The following DOK5 variants were observed in gnomAD, a reference collection of about 807,000 sequenced individuals.
DOK5 encodes downstream of tyrosine kinase 5.
In DOK5, 27 loss-of-function variants were observed where a neutral mutation model predicts 43.3. The ratio of observed to expected loss-of-function variants is 0.62; its 90% CI spans 0.46 to 0.86. The LOEUF (loss-of-function observed/expected upper bound fraction) is 0.86. Ranked by LOEUF, DOK5 falls within the 40% of genes least tolerant of loss-of-function variation. The pLI is 0.00. For synonymous variants in DOK5, 146 were observed against 140.1 expected, an observed-to-expected ratio of 1.04 and a Z score of -0.30; for missense variants, 373 against 392.9, an observed-to-expected ratio of 0.95 and a Z score of 0.43.
At chr20:54,513,705 T>C (rs1983094649) in intron 1 of DOK5, among the ~76,000 whole-genome samples, 1 of 152,146 alleles carries the variant, frequency 6.6e-6, no homozygotes, top group South Asian at 2.1e-4. Context: ...TTTTCAAATA[T>C]ATGAAGGGAT....
chr20:54,628,713 A>G (rs1405287545), intron 6 of DOK5, among the ~76,000 whole-genome samples: 4 of 152,158 alleles, frequency 2.6e-5, no homozygotes, highest in Non-Finnish European at 5.9e-5. Context: ...TGCTCCGTCA[A>G]GCAGAACGAG....
intron 2 of DOK5, among the ~76,000 whole-genome samples, chr20:54,577,151 A>G (rs2146754277): frequency 6.6e-6 from 1 of 152,310 alleles, no homozygotes; most frequent in South Asian, 2.1e-4. Context: ...CCTTTCTATG[A>G]AATTATAATT....
intron 2 of DOK5, among the ~76,000 whole-genome samples, chr20:54,566,018 A>AAAC (rs1308325165): frequency 6.9e-6 from 1 of 145,864 alleles, no homozygotes; most frequent in African/African-American, 2.5e-5. Flanking sequence ...TTCCGTCTCA[A>AAAC]AAAAAAAAAA....
At chr20:54,580,708 G>T (rs1425935189) in intron 2 of DOK5, among the ~76,000 whole-genome samples, 2 of 151,872 alleles carry the variant, frequency 1.3e-5, no homozygotes, top group African/African-American at 2.4e-5. Flanking sequence ...TTTAAAATTG[G>T]CTTATTTATT....
chr20:54,511,601 G>T (rs1337393912), intron 1 of DOK5, among the ~76,000 whole-genome samples: 1 of 152,182 alleles, frequency 6.6e-6, no homozygotes, highest in Non-Finnish European at 1.5e-5. Flanking sequence ...ATTTATATTG[G>T]TGATGGTGCA....
chr20:54,572,556 A>G (rs1451527135), intron 2 of DOK5, among the ~76,000 whole-genome samples: 1 of 152,206 alleles, frequency 6.6e-6, no homozygotes, highest in African/African-American at 2.4e-5. Context: ...GGTGTTCAGA[A>G]CGTAATACCT....
intron 5 of DOK5, among the ~76,000 whole-genome samples, chr20:54,604,087 C>A (rs1986389493): frequency 6.6e-6 from 1 of 151,750 alleles, no homozygotes; most frequent in Non-Finnish European, 1.5e-5. Context: ...GCTGAGACTA[C>A]AGGCGCCCGC....
At chr20:54,634,253 C>G (rs560395519) in intron 6 of DOK5, among the ~76,000 whole-genome samples, 8 of 136,424 alleles carry the variant, frequency 5.9e-5, no homozygotes, top group African/African-American at 2.2e-4. Flanking sequence ...CCTTCACTCA[C>G]TGTGAGTATT....
At chr20:54,616,001 T>A (rs1986796767) in intron 6 of DOK5, among the ~76,000 whole-genome samples, 1 of 152,182 alleles carries the variant, frequency 6.6e-6, no homozygotes, top group Non-Finnish European at 1.5e-5. Context: ...ATTTGGGACT[T>A]CTGGCCTCTA....
intron 5 of DOK5, among the ~76,000 whole-genome samples, chr20:54,596,602 C>A (rs1986149910): frequency 6.6e-6 from 1 of 152,184 alleles, no homozygotes; most frequent in Non-Finnish European, 1.5e-5. Flanking sequence ...TGTCACTTAA[C>A]TCACCGAGCT....
At chr20:54,510,232 C>T (rs76102417) in intron 1 of DOK5, among the ~76,000 whole-genome samples, 4,141 of 152,226 alleles carry the variant, frequency 0.027, 178 homozygotes, top group African/African-American at 0.095. Context: ...TCCTTTCTCC[C>T]TTCCTTGGTT....
At chr20:54,633,471 A>G (rs749259842) in intron 6 of DOK5, among the ~76,000 whole-genome samples, 4 of 152,100 alleles carry the variant, frequency 2.6e-5, no homozygotes, top group East Asian at 1.9e-4. Context: ...AACTTTGCCC[A>G]TGTTTTGTGC....
chr20:54,493,515 G>A (rs1982277608), intron 1 of DOK5, among the ~76,000 whole-genome samples: 1 of 152,152 alleles, frequency 6.6e-6, no homozygotes, highest in Admixed American at 6.5e-5. Flanking sequence ...CATGCTACAT[G>A]TGGACATGTA....
chr20:54,622,183 C>A (rs1474190103), intron 6 of DOK5, among the ~76,000 whole-genome samples: 1 of 150,664 alleles, frequency 6.6e-6, no homozygotes, highest in Non-Finnish European at 1.5e-5. Flanking sequence ...CAGAGCAGCA[C>A]TCCATCTCAA....
At chr20:54,517,161 C>T (rs911466310) in intron 1 of DOK5, among the ~76,000 whole-genome samples, 2 of 152,066 alleles carry the variant, frequency 1.3e-5, no homozygotes, top group East Asian at 1.9e-4. Flanking sequence ...GTGTCATGCC[C>T]CTGAGTTTCA....
chr20:54,572,125 G>A (rs1023628505), intron 2 of DOK5, among the ~76,000 whole-genome samples: 4 of 151,460 alleles, frequency 2.6e-5, no homozygotes, highest in Admixed American at 6.6e-5. Context: ...GTTATTCACC[G>A]TCTGTATGAA....
chr20:54,546,618 T>C (rs1477925180), intron 1 of DOK5, among the ~76,000 whole-genome samples: 2 of 150,946 alleles, frequency 1.3e-5, no homozygotes, highest in African/African-American at 4.9e-5. Context: ...CTCATTGATA[T>C]ATATCTTTAG....
In DOK5 at chr20:54,619,026, TATATATATATATA is replaced by T. The variant is rs1568814413; in HGVS notation, c.735+8504_735+8516del. ...AACAAGACCTTGTTTCAATAAATTA[TATATATATATATA>T]TATATATATATATATATATATATAT... is the stretch of plus-strand genomic sequence containing the variant. On this transcript the variant is annotated intron_variant, in intron 6 of 7. Coordinates refer to ENST00000262593, the MANE Select transcript of DOK5 (RefSeq NM_018431.5). Among the ~76,000 whole-genome samples, 224 of 42,818 alleles carry T rather than the reference TATATATATATATA, an allele frequency of 5.2e-3. 4 individuals are homozygous for T. The Middle Eastern group carries it at 0.12, about 24-fold the overall frequency. The allele number at this position is 42,818 out of a possible 152,430, so 28.1% of individuals were successfully genotyped here. A position where few individuals can be genotyped will look rare whatever the true frequency, so the allele number is the denominator to read the frequency against.
chr20:54,484,926 G>C (rs533647500), intron 1 of DOK5, among the ~76,000 whole-genome samples: 2 of 152,204 alleles, frequency 1.3e-5, no homozygotes, highest in African/African-American at 2.4e-5. Flanking sequence ...GTTGAAGTGG[G>C]ATGATCACTT....
Sources: allele counts gnomAD v4.1 joint callset (sites outside exome capture counted in the v4.1 genomes callset), GRCh38; gene constraint gnomAD v4.1.1; transcripts MANE v1.5; gene names NCBI Gene and HGNC (gene_info 2026-07-23, HGNC 2026-07-21).